EFCAB6: variants seen among roughly 807,000 people sequenced by gnomAD.
EFCAB6 encodes EF-hand calcium binding domain 6, also known as EF-hand calcium-binding domain-containing protein 6.
EFCAB6 carries 156 observed loss-of-function variants against 169.8 expected under a neutral mutation model. The observed-to-expected ratio is 0.92, with a 90% CI of 0.81 to 1.05. The LOEUF is 1.05. Ranked by LOEUF, EFCAB6 falls within the 50% of genes least tolerant of loss-of-function variation. The pLI is 0.00. For missense variants in EFCAB6, 1,800 were observed against 1,829.1 expected, an observed-to-expected ratio of 0.98 and a Z score of 0.29; for synonymous variants, 698 against 676.4, an observed-to-expected ratio of 1.03 and a Z score of -0.50.
At chr22:43,805,088 A>G (rs1229106414) in intron 2 of EFCAB6, among the ~76,000 whole-genome samples, 1 of 152,256 alleles carries the variant, frequency 6.6e-6, no homozygotes, top group Non-Finnish European at 1.5e-5. Context: ...ACAAACTGAA[A>G]AAGAAAGCAA....
At chr22:43,738,752 C>G (rs139236233) in intron 6 of EFCAB6, among the ~76,000 whole-genome samples, 4 of 152,302 alleles carry the variant, frequency 2.6e-5, no homozygotes, top group Non-Finnish European at 4.4e-5. Context: ...CTTCCACCTC[C>G]TGCTTTACTG....
At chr22:43,701,451 TA>T (rs1294679754) in intron 10 of EFCAB6, among the ~76,000 whole-genome samples, 1 of 151,832 alleles carries the variant, frequency 6.6e-6, no homozygotes, top group Non-Finnish European at 1.5e-5. Flanking sequence ...TAAAAGAAAA[TA>T]AAAAGGCAGT....
At chr22:43,747,978 G>A (rs920268611) in intron 6 of EFCAB6, among the ~76,000 whole-genome samples, 12 of 152,134 alleles carry the variant, frequency 7.9e-5, no homozygotes, top group African/African-American at 1.9e-4. Flanking sequence ...TGTTGCTTAC[G>A]CTTGTGTCCC....
chr22:43,597,881 C>T (rs554257956), intron 23 of EFCAB6, among the ~76,000 whole-genome samples: 5 of 152,208 alleles, frequency 3.3e-5, no homozygotes, highest in Admixed American at 2.6e-4. Context: ...CACAATGGAA[C>T]ATTATTTAGC....
intron 20 of EFCAB6, among the ~76,000 whole-genome samples, chr22:43,626,055 G>GTA (rs964809012): frequency 6.6e-6 from 1 of 151,612 alleles, no homozygotes; most frequent in Non-Finnish European, 1.5e-5. Flanking sequence ...ATGTATGTGT[G>GTA]TATATATATG....
intron 26 of EFCAB6, among the ~76,000 whole-genome samples, chr22:43,561,154 C>T (rs528795471): frequency 1.2e-4 from 19 of 152,142 alleles, no homozygotes; most frequent in South Asian, 8.3e-4. Context: ...GTCAGGAGTT[C>T]GAGACCAGCC....
intron 10 of EFCAB6, among the ~76,000 whole-genome samples, chr22:43,700,722 C>A (rs550477395): frequency 1.3e-5 from 2 of 152,292 alleles, no homozygotes; most frequent in South Asian, 2.1e-4. Flanking sequence ...CCTACTGTAG[C>A]AACCTTGAGA....
chr22:43,706,967 G>T (rs539348824), intron 10 of EFCAB6, among the ~76,000 whole-genome samples: 1 of 152,210 alleles, frequency 6.6e-6, no homozygotes, highest in Admixed American at 6.5e-5. Context: ...TGGAAACCAA[G>T]AAAGGGAAAT....
At chr22:43,547,003 C>T (rs529678499) in intron 27 of EFCAB6, among the ~76,000 whole-genome samples, 1 of 152,076 alleles carries the variant, frequency 6.6e-6, no homozygotes, top group African/African-American at 2.4e-5. Context: ...AAAGGAAATA[C>T]TTCACGGAGA....
chr22:43,567,549 C>T (rs1435283039), intron 26 of EFCAB6, among the ~76,000 whole-genome samples: 5 of 152,142 alleles, frequency 3.3e-5, no homozygotes, highest in South Asian at 2.1e-4. Context: ...TTGCTTAATC[C>T]GAACAATGAG....
chr22:43,803,349 C>T (rs1469725773), intron 2 of EFCAB6, among the ~76,000 whole-genome samples: 1 of 152,204 alleles, frequency 6.6e-6, no homozygotes, highest in Non-Finnish European at 1.5e-5. Context: ...TCACTCTAAA[C>T]TTTCCCTGTT....
At chr22:43,755,103 T>C (rs887427760) in intron 6 of EFCAB6, among the ~76,000 whole-genome samples, 1 of 152,096 alleles carries the variant, frequency 6.6e-6, no homozygotes, top group Non-Finnish European at 1.5e-5. Context: ...AAAAAGAAAA[T>C]TTGTCACATT....
intron 13 of EFCAB6, among the ~76,000 whole-genome samples, chr22:43,673,499 G>A (rs898745864): frequency 3.9e-5 from 6 of 152,194 alleles, no homozygotes; most frequent in African/African-American, 1.4e-4. Flanking sequence ...TAGCAGGCCA[G>A]GCACAGTGGC....
intron 3 of EFCAB6, among the ~76,000 whole-genome samples, chr22:43,773,627 C>T (rs2061549196): frequency 6.6e-6 from 1 of 152,210 alleles, no homozygotes; most frequent in Non-Finnish European, 1.5e-5. Flanking sequence ...GCAGGCGGAT[C>T]ACCTGAGGTC....
chr22:43,648,739 CGAA>C (rs1423195604), intron 17 of EFCAB6, among the ~76,000 whole-genome samples: 3 of 152,074 alleles, frequency 2.0e-5, no homozygotes, highest in Non-Finnish European at 4.4e-5. Context: ...ATAATAATAA[CGAA>C]GAAGAAGAAT....
intron 8 of EFCAB6, among the ~76,000 whole-genome samples, chr22:43,723,562 T>G (rs2059614720): frequency 6.6e-6 from 1 of 152,222 alleles, no homozygotes; most frequent in Admixed American, 6.5e-5. Context: ...GGTTTTAAAT[T>G]TTTTTAAATT....
At chr22:43,560,535 C>G (rs1291377436) in intron 26 of EFCAB6, among the ~76,000 whole-genome samples, 1 of 152,180 alleles carries the variant, frequency 6.6e-6, no homozygotes, top group Non-Finnish European at 1.5e-5. Flanking sequence ...TGGGTAGGGG[C>G]AGCCATGCTC....
At chr22:43,781,716 TA>T (rs2061827603) in intron 3 of EFCAB6, among the ~76,000 whole-genome samples, 1 of 151,986 alleles carries the variant, frequency 6.6e-6, no homozygotes, top group Non-Finnish European at 1.5e-5. Flanking sequence ...GAACTTTAAG[TA>T]AAAATAATGT....
At chr22:43,560,952 G>A (rs2048991861) in intron 26 of EFCAB6, among the ~76,000 whole-genome samples, 2 of 152,198 alleles carry the variant, frequency 1.3e-5, no homozygotes, top group Admixed American at 1.3e-4. Context: ...GTGGCGGCGT[G>A]GGGAAGGTGC....
Sources: gnomAD v4.1 joint callset for allele counts (sites outside exome capture counted in the v4.1 genomes callset) on GRCh38, gnomAD v4.1.1 for gene constraint, MANE v1.5 for transcripts, NCBI Gene and HGNC (gene_info 2026-07-23, HGNC 2026-07-21) for gene names.